The following RPS6KA2 variants were observed in gnomAD, a reference collection of about 807,000 sequenced individuals.
The protein encoded by RPS6KA2 is ribosomal protein S6 kinase alpha-2.
RPS6KA2 carries 42 observed loss-of-function variants against 91.8 expected under a neutral mutation model. That is an observed-to-expected ratio of 0.46 (90% CI 0.36 to 0.59). RPS6KA2 has a LOEUF of 0.59. Ranked by LOEUF, RPS6KA2 falls within the 20% of genes least tolerant of loss-of-function variation. The pLI, the probability that RPS6KA2 is intolerant of heterozygous loss-of-function variation, is 0.00. For synonymous variants in RPS6KA2, 414 were observed against 393.6 expected (o/e 1.05, Z -0.61); for missense variants, 798 against 978.5 (o/e 0.82, Z 2.46).
At chr6:166,605,187 G>T (rs944717195) in intron 1 of RPS6KA2, among the ~76,000 whole-genome samples, 3 of 152,202 alleles carry the variant, frequency 2.0e-5, no homozygotes, top group African/African-American at 7.2e-5. Context: ...AGGGCCTTGG[G>T]TGTTGCCAGT....
chr6:166,837,672 C>A (rs1780355114), intron 2 of RPS6KA2, among the ~76,000 whole-genome samples: 1 of 152,168 alleles, frequency 6.6e-6, no homozygotes, highest in Non-Finnish European at 1.5e-5. Flanking sequence ...GTGGGGGTGG[C>A]TGTGTCTTCC....
chr6:166,581,572 A>C (rs766990975), intron 1 of RPS6KA2, among the ~76,000 whole-genome samples: 1 of 151,828 alleles, frequency 6.6e-6, no homozygotes, highest in African/African-American at 2.4e-5. Flanking sequence ...GCCGGCTTCG[A>C]GTATGCGGGG....
chr6:166,734,855 C>G (rs932298933), intron 2 of RPS6KA2, among the ~76,000 whole-genome samples: 2 of 152,150 alleles, frequency 1.3e-5, no homozygotes, highest in African/African-American at 2.4e-5. Flanking sequence ...ACATCCTCAC[C>G]TTTACCATGA....
intron 11 of RPS6KA2, among the ~76,000 whole-genome samples, chr6:166,467,447 CAGAG>C (rs536317089): frequency 4.2e-4 from 64 of 152,258 alleles, no homozygotes; most frequent in African/African-American, 1.5e-3. Flanking sequence ...GATATGAAAA[CAGAG>C]CAAGGCCGGG....
In RPS6KA2 at chr6:166,788,997, G is replaced by A. The variant is rs546206240; in HGVS notation, c.123+69203C>T. On this transcript the variant is annotated intron_variant, in intron 2 of 21. Transcript: ENST00000503859. Reference sequence around the variant, plus strand: ...TACCAGGTTCATCTCACTAGGGAGTGCCAGACAGCGGGCACAGGACAGCGG... The same window carrying A: ...TACCAGGTTCATCTCACTAGGGAGTACCAGACAGCGGGCACAGGACAGCGG... Among the ~76,000 whole-genome samples the A allele has an allele frequency of 7.2e-5, 11 of 152,308 alleles. No homozygotes were observed. The South Asian group carries it at 2.3e-3, about 32-fold the overall frequency.
chr6:166,659,809 C>T (rs917762013), intron 2 of RPS6KA2, among the ~76,000 whole-genome samples: 5 of 152,248 alleles, frequency 3.3e-5, no homozygotes, highest in Non-Finnish European at 1.5e-5. Context: ...GGGGGACCAG[C>T]GAACCTCGGG....
chr6:166,744,789 C>A (rs961854070), intron 2 of RPS6KA2, among the ~76,000 whole-genome samples: 3 of 152,182 alleles, frequency 2.0e-5, no homozygotes, highest in Non-Finnish European at 2.9e-5. Flanking sequence ...GGGTCGCGAG[C>A]CTGCACCTGA....
intron 5 of RPS6KA2, among the ~76,000 whole-genome samples, chr6:166,507,392 A>ACC (rs1554283105): frequency 2.3e-4 from 33 of 145,358 alleles, no homozygotes; most frequent in South Asian, 4.4e-4. Context: ...ACACACACCC[A>ACC]CCCCACATCA....
At chr6:166,782,872 G>C (rs905205620) in intron 2 of RPS6KA2, among the ~76,000 whole-genome samples, 1 of 151,992 alleles carries the variant, frequency 6.6e-6, no homozygotes, top group Admixed American at 6.6e-5. Context: ...ACTCAGCAGA[G>C]TGCTTCTTCC....
intron 2 of RPS6KA2, among the ~76,000 whole-genome samples, chr6:166,814,895 G>A (rs1008196081): frequency 6.6e-5 from 10 of 152,152 alleles, no homozygotes; most frequent in African/African-American, 2.2e-4. Context: ...ATATTTTACA[G>A]TGTAATAATA....
intron 2 of RPS6KA2, among the ~76,000 whole-genome samples, chr6:166,656,316 G>A (rs935945213): frequency 6.6e-6 from 1 of 152,216 alleles, no homozygotes; most frequent in Non-Finnish European, 1.5e-5. Flanking sequence ...GAAGGGGGAG[G>A]AGAGAAACAA....
intron 5 of RPS6KA2, among the ~76,000 whole-genome samples, chr6:166,506,756 C>T (rs1010324776): frequency 6.6e-6 from 1 of 151,566 alleles, no homozygotes. Context: ...TGCAAGACAG[C>T]GGGGTCTCCT....
chr6:166,808,749 C>T (rs992015315), intron 2 of RPS6KA2, among the ~76,000 whole-genome samples: 2 of 152,164 alleles, frequency 1.3e-5, no homozygotes, highest in African/African-American at 2.4e-5. Flanking sequence ...TAGGAGCACA[C>T]TTTAGCAGTA....
At chr6:166,674,373 G>A (rs2128562311) in intron 2 of RPS6KA2, among the ~76,000 whole-genome samples, 1 of 152,236 alleles carries the variant, frequency 6.6e-6, no homozygotes, top group East Asian at 1.9e-4. Flanking sequence ...AGAGGCCTGT[G>A]GTGTCCGTTC....
At chr6:166,731,619 G>GC (rs1372421278) in intron 2 of RPS6KA2, among the ~76,000 whole-genome samples, 2 of 151,938 alleles carry the variant, frequency 1.3e-5, no homozygotes, top group African/African-American at 2.4e-5. Flanking sequence ...AGAGCACACA[G>GC]CCCCCGGCAT....
At chr6:166,465,122 C>G (rs975087883) in intron 11 of RPS6KA2, among the ~76,000 whole-genome samples, 1 of 150,998 alleles carries the variant, frequency 6.6e-6, no homozygotes, top group African/African-American at 2.5e-5. Flanking sequence ...GGTGAAGTAC[C>G]CAGGCAGAAA....
chr6:166,573,677 T>C (rs1223077977), intron 1 of RPS6KA2, among the ~76,000 whole-genome samples: 1 of 152,238 alleles, frequency 6.6e-6, no homozygotes, highest in Non-Finnish European at 1.5e-5. Flanking sequence ...TCCCATTGAC[T>C]GCCAGGGTCG....
intron 2 of RPS6KA2, among the ~76,000 whole-genome samples, chr6:166,840,046 T>C (rs570336953): frequency 4.5e-4 from 69 of 152,234 alleles, no homozygotes; most frequent in African/African-American, 1.6e-3. Flanking sequence ...ATAGATGCCA[T>C]AATGCCACTT....
At chr6:166,469,439 G>A (rs949982609) in intron 11 of RPS6KA2, among the ~76,000 whole-genome samples, 19 of 151,832 alleles carry the variant, frequency 1.3e-4, no homozygotes, top group Non-Finnish European at 2.6e-4. Flanking sequence ...AAAGGGTCCT[G>A]GTTGAGCAGC....
Sources: gnomAD v4.1 joint callset for allele counts (sites outside exome capture counted in the v4.1 genomes callset) on GRCh38, gnomAD v4.1.1 for gene constraint, MANE v1.5 for transcripts, NCBI Gene and HGNC (gene_info 2026-07-23, HGNC 2026-07-21) for gene names.